The following RARRES1 variants were observed in gnomAD, a reference collection of about 807,000 sequenced individuals.
RARRES1 encodes the protein retinoic acid receptor responder 1.
RARRES1 carries 34 observed loss-of-function variants against 30.6 expected under a neutral mutation model. The ratio of observed to expected loss-of-function variants is 1.11; its 90% confidence interval spans 0.84 to 1.48. The LOEUF is 1.48. RARRES1 is among the 40% of genes most tolerant of loss of function. RARRES1 has a pLI of 0.00. For synonymous variants in RARRES1, 153 were observed against 155.5 expected (o/e 0.98, Z 0.12); for missense variants, 373 against 386.5 (o/e 0.97, Z 0.29).
At chr3:158,730,266 GC>G (rs1727828202) in intron 1 of RARRES1, among the ~76,000 whole-genome samples, 1 of 146,776 alleles carries the variant, frequency 6.8e-6, no homozygotes, top group Admixed American at 6.9e-5. Context: ...GTTGCAGTAA[GC>G]CGAGATCGCA....
chr3:158,710,666 A>G, intron 3 of RARRES1, 72 bp downstream of exon 3: 6 of 1,408,456 alleles, frequency 4.3e-6, no homozygotes, highest in Non-Finnish European at 5.8e-6. Context: ...AAAAACTTAA[A>G]TGATCTTTCT....
At chr3:158,720,232 T>TGG (rs1359725269) in intron 1 of RARRES1, among the ~76,000 whole-genome samples, 3 of 64,860 alleles carry the variant, frequency 4.6e-5, no homozygotes, top group Non-Finnish European at 9.5e-5. Flanking sequence ...AGCTGGCTGC[T>TGG]GGTGTGTGTG....
chr3:158,728,140 C>T (rs554268310), intron 1 of RARRES1, among the ~76,000 whole-genome samples: 2 of 151,882 alleles, frequency 1.3e-5, no homozygotes, highest in African/African-American at 4.8e-5. Context: ...ATCTGAAACA[C>T]ATTTGGAGAC....
At chr3:158,714,263 A>G (rs551205075) in intron 1 of RARRES1, among the ~76,000 whole-genome samples, 6 of 152,346 alleles carry the variant, frequency 3.9e-5, no homozygotes, top group African/African-American at 1.4e-4. Context: ...CCTGCCACCC[A>G]TAGCCCAATG....
chr3:158,715,991 G>A (rs760220544), intron 1 of RARRES1, among the ~76,000 whole-genome samples: 10 of 152,234 alleles, frequency 6.6e-5, no homozygotes, highest in Non-Finnish European at 1.3e-4. Flanking sequence ...TGGGTTCTAA[G>A]CCTTGAATGG....
chr3:158,721,397 G>A (rs563789191), intron 1 of RARRES1, among the ~76,000 whole-genome samples: 19 of 152,302 alleles, frequency 1.2e-4, no homozygotes, highest in African/African-American at 4.6e-4. Flanking sequence ...GGTCTGGGGT[G>A]GGGCCTGGGA....
intron 1 of RARRES1, among the ~76,000 whole-genome samples, chr3:158,715,405 G>T (rs981871524): frequency 3.3e-5 from 5 of 152,212 alleles, no homozygotes; most frequent in African/African-American, 9.6e-5. Flanking sequence ...GGATGTAGGG[G>T]TTGGAATTCC....
intron 4 of RARRES1, among the ~76,000 whole-genome samples, chr3:158,698,857 A>C (rs7621897): frequency 0.58 from 87,870 of 152,026 alleles, 26,237 homozygotes; most frequent in African/African-American, 0.73. Context: ...TTTCTCTTTC[A>C]GCCTTTTTCC....
chr3:158,705,444 GC>G (rs957003628), intron 3 of RARRES1, among the ~76,000 whole-genome samples: 3 of 146,962 alleles, frequency 2.0e-5, no homozygotes, highest in Non-Finnish European at 3.0e-5. Context: ...TAGTTAAGAA[GC>G]TTTTTTTTTT....
chr3:158,719,612 C>T (rs1409507176), intron 1 of RARRES1, among the ~76,000 whole-genome samples: 1 of 151,922 alleles, frequency 6.6e-6, no homozygotes, highest in East Asian at 1.9e-4. Context: ...ATTTTTGGCC[C>T]CACTGGACAG....
intron 3 of RARRES1, 128 bp from the exon 4 acceptor site, chr3:158,705,055 C>G: frequency 8.1e-7 from 1 of 1,234,754 alleles, no homozygotes; most frequent in Non-Finnish European, 1.1e-6. Context: ...GACCTTGAGC[C>G]ATATATGTGA....
chr3:158,702,498 TA>T (rs1726769827), intron 4 of RARRES1, among the ~76,000 whole-genome samples: 1 of 152,232 alleles, frequency 6.6e-6, no homozygotes, highest in African/African-American at 2.4e-5. Flanking sequence ...GTCCTAGTGG[TA>T]AAAATGTGTC....
intron 3 of RARRES1, among the ~76,000 whole-genome samples, chr3:158,707,672 A>G (rs1457420302): frequency 6.6e-6 from 1 of 152,194 alleles, no homozygotes; most frequent in African/African-American, 2.4e-5. Context: ...AAAAAATGGA[A>G]AAGCTTCAAC....
chr3:158,721,310 C>CGGG, intron 1 of RARRES1, among the ~76,000 whole-genome samples: 1 of 152,286 alleles, frequency 6.6e-6, no homozygotes, highest in East Asian at 1.9e-4. Flanking sequence ...AGTCTCAAAT[C>CGGG]TGAGTGTGCC....
Position 158,697,487 on chromosome 3 carries a change from G to A in RARRES1, c.*191C>T, listed in dbSNP as rs1324855308. Reference sequence around the variant, plus strand: ...ACTGAGCAGAGTTCAGTGTGCATGCGCTTCCAGAGTTAAAAGCTAAAGCAG... The same window carrying A: ...ACTGAGCAGAGTTCAGTGTGCATGCACTTCCAGAGTTAAAAGCTAAAGCAG... On this transcript the variant is annotated 3_prime_UTR_variant, in exon 6 of 6. Transcript: ENST00000237696. The A allele has an allele frequency of 5.0e-6, 3 of 594,932 alleles. No individual in the cohort carries two copies. Among genetic ancestry groups the A allele is most frequent in the Admixed American group, 6.6e-5 (2 of 30,100 alleles). 36.9% of individuals were successfully genotyped at this position (594,932 alleles called of 1,614,324 possible).
intron 1 of RARRES1, among the ~76,000 whole-genome samples, chr3:158,726,883 GGATTAT>G (rs1370545473): frequency 6.6e-6 from 1 of 152,204 alleles, no homozygotes; most frequent in African/African-American, 2.4e-5. Context: ...GGAGGTGACT[GGATTAT>G]GGAGGTGGGT....
chr3:158,712,591 A>T (rs1049619722), intron 2 of RARRES1, among the ~76,000 whole-genome samples: 2 of 152,224 alleles, frequency 1.3e-5, no homozygotes, highest in African/African-American at 4.8e-5. Flanking sequence ...TGAAGGAAGC[A>T]TTCAGGAAGA....
At chr3:158,698,763 A>C (rs1726631846) in intron 4 of RARRES1, among the ~76,000 whole-genome samples, 2 of 151,998 alleles carry the variant, frequency 1.3e-5, no homozygotes, top group Non-Finnish European at 2.9e-5. Flanking sequence ...TTTGGATTAT[A>C]ATTTGAGTCT....
intron 4 of RARRES1, among the ~76,000 whole-genome samples, chr3:158,701,626 T>C (rs991969723): frequency 1.3e-5 from 2 of 152,194 alleles, no homozygotes; most frequent in Non-Finnish European, 2.9e-5. Context: ...CTCAGAACAG[T>C]ATTTAGACCT....
Sources: gnomAD v4.1 joint callset for allele counts (sites outside exome capture counted in the v4.1 genomes callset) on GRCh38, gnomAD v4.1.1 for gene constraint, MANE v1.5 for transcripts, NCBI Gene and HGNC (gene_info 2026-07-23, HGNC 2026-07-21) for gene names.